The following FGF14 variants were observed in gnomAD, a reference collection of about 807,000 sequenced individuals.
FGF14 encodes fibroblast growth factor 14.
A neutral mutation model predicts 25.5 loss-of-function variants in FGF14; 5 were observed. That is an observed-to-expected ratio of 0.20 (90% CI 0.10 to 0.41). The LOEUF is 0.41. Ranked by LOEUF, FGF14 falls within the 10% of genes least tolerant of loss-of-function variation. FGF14 has a pLI of 1.00. For synonymous variants in FGF14, 138 were observed against 118.3 expected, an observed-to-expected ratio of 1.17 and a Z score of -1.08; for missense variants, 222 against 320.1, an observed-to-expected ratio of 0.69 and a Z score of 2.34.
At chr13:102,284,932 C>G (rs150431128) in intron 1 of FGF14, among the ~76,000 whole-genome samples, 2,425 of 151,892 alleles carry the variant, frequency 0.016, 32 homozygotes, top group Non-Finnish European at 0.023. Context: ...TCTCCCCCTC[C>G]GTCTCTCTCT....
At chr13:101,885,947 G>T (rs568241574) in intron 1 of FGF14, among the ~76,000 whole-genome samples, 178 of 152,236 alleles carry the variant, frequency 1.2e-3, no homozygotes, top group African/African-American at 3.9e-3. Context: ...GCAGGGGATA[G>T]AAAACCTAAT....
intron 1 of FGF14, among the ~76,000 whole-genome samples, chr13:102,330,612 A>C (rs1293478875): frequency 6.6e-6 from 1 of 152,116 alleles, no homozygotes; most frequent in African/African-American, 2.4e-5. Flanking sequence ...ATCTACAATA[A>C]AGTTTCAATC....
chr13:102,072,814 T>C (rs779683234), intron 1 of FGF14, among the ~76,000 whole-genome samples: 4 of 152,150 alleles, frequency 2.6e-5, no homozygotes, highest in Non-Finnish European at 4.4e-5. Flanking sequence ...GAGTTGTAAA[T>C]TGAGGTCTCA....
intron 1 of FGF14, among the ~76,000 whole-genome samples, chr13:102,121,934 T>C (rs1460913564): frequency 6.6e-6 from 1 of 152,202 alleles, no homozygotes; most frequent in Non-Finnish European, 1.5e-5. Context: ...GGCTTTCTGC[T>C]GAAGAAACCT....
intron 3 of FGF14, among the ~76,000 whole-genome samples, chr13:101,747,198 C>T (rs544557870): frequency 3.3e-5 from 5 of 152,024 alleles, no homozygotes; most frequent in Admixed American, 1.3e-4. Context: ...GGCAATTTAG[C>T]GACTGAGCTC....
intron 3 of FGF14, among the ~76,000 whole-genome samples, chr13:101,788,535 G>A (rs2039988026): frequency 6.6e-6 from 1 of 152,004 alleles, no homozygotes; most frequent in African/African-American, 2.4e-5. Flanking sequence ...TTATGAACCG[G>A]AAGCATGTTG....
intron 3 of FGF14, among the ~76,000 whole-genome samples, chr13:101,750,361 A>G (rs566252622): frequency 1.3e-5 from 2 of 152,268 alleles, no homozygotes; most frequent in South Asian, 2.1e-4. Flanking sequence ...ATACATACAG[A>G]ATGACAAAAA....
At chr13:102,174,665 C>T (rs1447809671) in intron 1 of FGF14, among the ~76,000 whole-genome samples, 1 of 152,040 alleles carries the variant, frequency 6.6e-6, no homozygotes, top group Non-Finnish European at 1.5e-5. Flanking sequence ...AGCAAATTAA[C>T]ACAGGAACAG....
At chr13:101,832,765 A>C (rs2042737019) in intron 3 of FGF14, among the ~76,000 whole-genome samples, 1 of 152,094 alleles carries the variant, frequency 6.6e-6, no homozygotes, top group Admixed American at 6.6e-5. Flanking sequence ...TTAAATGAAG[A>C]GTAATGAGAT....
intron 1 of FGF14, among the ~76,000 whole-genome samples, chr13:102,311,053 C>A (rs969827753): frequency 6.6e-6 from 1 of 152,122 alleles, no homozygotes; most frequent in Non-Finnish European, 1.5e-5. Context: ...CACACACACA[C>A]ACAATTTAAA....
intron 1 of FGF14, among the ~76,000 whole-genome samples, chr13:102,093,377 TA>T (rs1304042232): frequency 6.6e-6 from 1 of 152,116 alleles, no homozygotes; most frequent in Non-Finnish European, 1.5e-5. Context: ...TAAACACACA[TA>T]AAGATGCAGT....
chr13:102,060,199 G>C (rs188734787), intron 1 of FGF14, among the ~76,000 whole-genome samples: 2 of 151,936 alleles, frequency 1.3e-5, no homozygotes, highest in East Asian at 3.9e-4. Context: ...TCTGGTCCCA[G>C]GCATTTCTGA....
intron 3 of FGF14, among the ~76,000 whole-genome samples, chr13:101,728,847 CTA>C (rs2035619784): frequency 6.6e-6 from 1 of 152,090 alleles, no homozygotes; most frequent in Non-Finnish European, 1.5e-5. Flanking sequence ...CATCCTGTTG[CTA>C]CAAACACCAG....
At chr13:101,843,117 G>A (rs2140325023) in intron 3 of FGF14, among the ~76,000 whole-genome samples, 1 of 152,198 alleles carries the variant, frequency 6.6e-6, no homozygotes, top group Admixed American at 6.5e-5. Context: ...TCTAAAATTA[G>A]CAAGCAAGGC....
At chr13:102,017,450 G>A (rs2040406930) in intron 1 of FGF14, among the ~76,000 whole-genome samples, 1 of 152,108 alleles carries the variant, frequency 6.6e-6, no homozygotes, top group Non-Finnish European at 1.5e-5. Context: ...TTTACTGCTA[G>A]CATCCAGTGT....
intron 1 of FGF14, among the ~76,000 whole-genome samples, chr13:101,924,038 T>C (rs976085817): frequency 3.3e-5 from 5 of 152,126 alleles, no homozygotes. Context: ...TGGCAAATCT[T>C]TTCCTACTCT....
chr13:102,082,333 T>C (rs1287269300), intron 1 of FGF14, among the ~76,000 whole-genome samples: 1 of 152,004 alleles, frequency 6.6e-6, no homozygotes, highest in African/African-American at 2.4e-5. Flanking sequence ...AAGCCATGTC[T>C]TCTCTTGTTA....
At chr13:102,154,541 G>T (rs181148705) in intron 1 of FGF14, among the ~76,000 whole-genome samples, 1 of 152,050 alleles carries the variant, frequency 6.6e-6, no homozygotes, top group South Asian at 2.1e-4. Flanking sequence ...AGGAACAACC[G>T]GTACCAGCCA....
At chr13:101,896,812 C>T (rs2030756170) in intron 1 of FGF14, among the ~76,000 whole-genome samples, 1 of 152,116 alleles carries the variant, frequency 6.6e-6, no homozygotes, top group Admixed American at 6.6e-5. Flanking sequence ...TATTTCTCAT[C>T]AGGCTCTGAC....
Sources: gnomAD v4.1 joint callset for allele counts (sites outside exome capture counted in the v4.1 genomes callset) on GRCh38, gnomAD v4.1.1 for gene constraint, MANE v1.5 for transcripts, NCBI Gene and HGNC (gene_info 2026-07-23, HGNC 2026-07-21) for gene names.